Variants in VIL1 observed in about 807,000 individuals in gnomAD.
VIL1 encodes the protein villin 1.
A neutral mutation model predicts 104.0 loss-of-function variants in VIL1; 86 were observed. That is an observed-to-expected ratio of 0.83 (90% CI 0.69 to 0.99). The LOEUF (loss-of-function observed/expected upper bound fraction) is 0.99. Ranked by LOEUF, VIL1 falls within the 50% of genes least tolerant of loss-of-function variation. The pLI is 0.00. For missense variants in VIL1, 944 were observed against 1,054.1 expected, an observed-to-expected ratio of 0.90 and a Z score of 1.45; for synonymous variants, 394 against 412.6, an observed-to-expected ratio of 0.95 and a Z score of 0.55.
intron 1 of VIL1, among the ~76,000 whole-genome samples, chr2:218,420,700 C>T (rs966709242): frequency 3.4e-4 from 52 of 151,704 alleles, no homozygotes; most frequent in Admixed American, 9.2e-4. Context: ...ATTCTCCTGC[C>T]TCAGCCTCCC....
chr2:218,430,959 C>A, intron 10 of VIL1, 81 bp downstream of exon 10: 2 of 1,530,970 alleles, frequency 1.3e-6, no homozygotes, highest in Non-Finnish European at 1.8e-6. Flanking sequence ...CACCCACCCT[C>A]CTTCCCTGAC....
Position 218,428,996 on chromosome 2 carries a change from C to T in VIL1, c.568-289C>T, listed in dbSNP as rs530515376. 1.4e-4 allele frequency among the ~76,000 whole-genome samples: 22 copies of T among 152,282 alleles called. 1 individual carries two copies. Among genetic ancestry groups the T allele is most frequent in the Middle Eastern group, 3.4e-3 (1 of 294 alleles). On this transcript the variant is annotated intron_variant, in intron 6 of 19. Coordinates refer to ENST00000248444, the MANE Select transcript of VIL1 (RefSeq NM_007127.3). ...GATCCTTGGGGCTCAGCTCGTGTCCCGAACTGTGAAGTCTAAGCACACATT... is the reference window on the plus strand; with the variant it reads ...GATCCTTGGGGCTCAGCTCGTGTCCTGAACTGTGAAGTCTAAGCACACATT...
intron 13 of VIL1, 125 bp downstream of exon 13, chr2:218,433,076 A>G: frequency 8.5e-7 from 1 of 1,174,666 alleles, no homozygotes; most frequent in South Asian, 1.5e-5. Context: ...ATAGGAGACT[A>G]CCCTGGAGGT....
Position 218,436,520 on chromosome 2 carries a change from T to C in VIL1, c.1865T>C (p.Phe622Ser), listed in dbSNP as rs751907315. Reference protein sequence around the residue: ...EENLVITPRLFECSNKTGRFL... With the variant: ...EENLVITPRLSECSNKTGRFL... ...AACCTGGTCATCACCCCCCGGCTCT[T>C]TGAGTGTTCCAACAAGACTGGGCGC... The change falls in exon 16 of 20, where the codon TTT becomes TCT. Residue 622 changes from phenylalanine to serine, a missense_variant. Phe to Ser is a radical substitution (Grantham distance 155). Coordinates refer to ENST00000248444, the MANE Select transcript of VIL1 (RefSeq NM_007127.3). 5.6e-6 allele frequency: 9 copies of C among 1,613,848 alleles called. No individual in the cohort carries two copies. Among genetic ancestry groups the C allele is most frequent in the South Asian group, 3.3e-5 (3 of 91,056 alleles).
chr2:218,445,469 G>A (rs1488088525), intron 19 of VIL1, among the ~76,000 whole-genome samples: 1 of 152,094 alleles, frequency 6.6e-6, no homozygotes, highest in African/African-American at 2.4e-5. Flanking sequence ...CCTGCCTCAG[G>A]GAGTGGGGAA....
intron 19 of VIL1, among the ~76,000 whole-genome samples, chr2:218,444,637 T>C (rs1689337077): frequency 6.6e-6 from 1 of 152,192 alleles, no homozygotes; most frequent in Admixed American, 6.5e-5. Flanking sequence ...AGAGCTGAGT[T>C]CAGTGTCATG....
chr2:218,427,966 A>T lies in VIL1; in HGVS notation c.349A>T (p.Ile117Phe). 3 of 1,610,900 alleles carry T rather than the reference A, an allele frequency of 1.9e-6. No homozygotes were observed. Among genetic ancestry groups the T allele is most frequent in the Non-Finnish European group, 2.5e-6 (3 of 1,177,498 alleles). ...GGGTCAGCTCACCTCTCTTCTCAGGATCCGGAAAGGGGGCGTGGCTTCTGG... is the reference window on the plus strand; with the variant it reads ...GGGTCAGCTCACCTCTCTTCTCAGGTTCCGGAAAGGGGGCGTGGCTTCTGG... ...FRGYFKQGLV[I>F]RKGGVASGMK... The change falls in exon 5 of 20, where the codon ATC becomes TTC. Residue 117 changes from isoleucine to phenylalanine, a missense_variant and splice_region_variant. Transcript: ENST00000248444.
chr2:218,432,645 T>C, intron 12 of VIL1, 148 bp from the exon 13 acceptor site: 1 of 1,076,528 alleles, frequency 9.3e-7, no homozygotes, highest in Non-Finnish European at 1.4e-6. Flanking sequence ...GATTGGGGTT[T>C]TGGCTGTTTC....
intron 19 of VIL1, among the ~76,000 whole-genome samples, chr2:218,443,795 C>T (rs376946545): frequency 1.3e-5 from 2 of 151,966 alleles, no homozygotes; most frequent in African/African-American, 2.4e-5. Flanking sequence ...GCTGGGACTA[C>T]AGGCGCACAC....
intron 19 of VIL1, among the ~76,000 whole-genome samples, chr2:218,448,173 T>C (rs1270020449): frequency 6.6e-6 from 1 of 151,854 alleles, no homozygotes; most frequent in African/African-American, 2.4e-5. Context: ...GGTGGGAGGA[T>C]TGCTTGAGTC....
rs933227334 is a variant in VIL1, at chr2:218,427,882, G to A, written c.348-83G>A. 10 of 1,348,544 alleles carry A rather than the reference G, an allele frequency of 7.4e-6. No individual in the cohort carries two copies. The African/African-American group carries it at 1.0e-4, about 14-fold the overall frequency. The allele number at this position is 1,348,544 out of a possible 1,614,324, so 83.5% of individuals were successfully genotyped here. On this transcript the variant is annotated intron_variant, in intron 4 of 19. Transcript: ENST00000248444. ...CCACCCTGGCCCTCACGTGACCCCA[G>A]CGTGGCAGCCAGGACCTGGGAGAAC...
At chr2:218,444,961 G>T (rs1689341377) in intron 19 of VIL1, among the ~76,000 whole-genome samples, 1 of 152,174 alleles carries the variant, frequency 6.6e-6, no homozygotes, top group Non-Finnish European at 1.5e-5. Flanking sequence ...CAGCCTGGCT[G>T]GACCAGAGAG....
chr2:218,436,002 C>A (rs544060621), intron 15 of VIL1, among the ~76,000 whole-genome samples: 7 of 152,130 alleles, frequency 4.6e-5, no homozygotes, highest in Non-Finnish European at 1.0e-4. Flanking sequence ...CCGTGCCCGG[C>A]TAATTTTTGT....
chr2:218,436,639 G>C lies in VIL1; in HGVS notation c.1971+13G>C, dbSNP rs1361985919. The C allele has an allele frequency of 6.2e-7, 1 of 1,610,836 alleles. No individual in the cohort carries two copies. Among genetic ancestry groups the C allele is most frequent in the Non-Finnish European group, 8.5e-7 (1 of 1,178,488 alleles). Reference sequence around the variant, plus strand: ...TGTCTGGGACCAGGTAGGACCAAGGGCCTGGGGACCCCTCTTCCCAGCCAC... The same window carrying C: ...TGTCTGGGACCAGGTAGGACCAAGGCCCTGGGGACCCCTCTTCCCAGCCAC... On this transcript the variant is annotated intron_variant, in intron 16 of 19. Coordinates refer to ENST00000248444, the MANE Select transcript of VIL1 (RefSeq NM_007127.3).
chr2:218,426,853 T>C (rs989965646), intron 4 of VIL1, among the ~76,000 whole-genome samples: 5 of 148,598 alleles, frequency 3.4e-5, no homozygotes, highest in South Asian at 2.2e-4. Context: ...CTGCCCGCCT[T>C]GGCCTCCCAA....
intron 13 of VIL1, among the ~76,000 whole-genome samples, chr2:218,433,651 A>G (rs572048982): frequency 3.5e-4 from 53 of 152,316 alleles, no homozygotes; most frequent in Non-Finnish European, 6.5e-4. Flanking sequence ...TCACGCCTGT[A>G]ATCCCAGCAC....
At chr2:218,445,238 A>G (rs1035410939) in intron 19 of VIL1, among the ~76,000 whole-genome samples, 1 of 152,130 alleles carries the variant, frequency 6.6e-6, no homozygotes, top group Non-Finnish European at 1.5e-5. Flanking sequence ...TGTCTCTACA[A>G]AAAATACAAA....
At chr2:218,423,648 G>A (rs1024571731) in intron 1 of VIL1, 120 bp from the exon 2 acceptor site, 2 of 896,674 alleles carry the variant, frequency 2.2e-6, no homozygotes, top group African/African-American at 1.7e-5. Flanking sequence ...GTAACCCTCT[G>A]TGCTCCCCCA....
At chr2:218,432,474 A>G (rs1025553469) in intron 12 of VIL1, 5 of 691,060 alleles carry the variant, frequency 7.2e-6, no homozygotes, top group Admixed American at 2.0e-5. Context: ...GAGTGTGTCT[A>G]GGACTGAGTG....
Sources: allele counts gnomAD v4.1 joint callset (sites outside exome capture counted in the v4.1 genomes callset), GRCh38; gene constraint gnomAD v4.1.1; transcripts MANE v1.5; gene names NCBI Gene and HGNC (gene_info 2026-07-23, HGNC 2026-07-21).